Variants in ADAMTSL1 observed in about 807,000 individuals in gnomAD.
ADAMTSL1 encodes ADAMTS-like protein 1.
ADAMTSL1 carries 126 observed loss-of-function variants against 201.8 expected under a neutral mutation model. That is an observed-to-expected ratio of 0.62 (90% confidence interval 0.54 to 0.72). ADAMTSL1 has a LOEUF of 0.72. Among genes scored for constraint, ADAMTSL1 ranks in the 30% least tolerant of loss-of-function variants. ADAMTSL1 has a pLI of 0.00. For synonymous variants in ADAMTSL1, 1,121 were observed against 903.4 expected (o/e 1.24, Z -4.32); for missense variants, 2,679 against 2,277.8 (o/e 1.18, Z -3.59).
chr9:18,474,093 G>C (rs1240259567), upstream of ADAMTSL1: 164 of 381,188 alleles, frequency 4.3e-4, no homozygotes, highest in East Asian at 1.4e-3. Context: ...CCCACCCCTC[G>C]GTCAGGAAAT....
chr9:17,939,705 T>C (rs1339889921), intron 1 of ADAMTSL1, among the ~76,000 whole-genome samples: 1 of 152,174 alleles, frequency 6.6e-6, no homozygotes, highest in Non-Finnish European at 1.5e-5. Flanking sequence ...GCCCATTTAT[T>C]GAACACACAT....
chr9:17,923,169 T>C (rs1289224843), intron 1 of ADAMTSL1, among the ~76,000 whole-genome samples: 1 of 151,846 alleles, frequency 6.6e-6, no homozygotes, highest in Non-Finnish European at 1.5e-5. Context: ...TTTTTCCAAT[T>C]CTGTGAAGAA....
chr9:18,725,303 A>G (rs558169484), intron 15 of ADAMTSL1, among the ~76,000 whole-genome samples: 1 of 152,234 alleles, frequency 6.6e-6, no homozygotes, highest in East Asian at 1.9e-4. Flanking sequence ...GGACAGATGG[A>G]GGTTAAGTAA....
rs1825576032 is a variant in ADAMTSL1 at position 18,839,545 on chromosome 9, A to G, written c.4249+9568A>G. Among the ~76,000 whole-genome samples, 5 of 152,300 alleles carry G rather than the reference A, an allele frequency of 3.3e-5. No homozygotes were observed. The South Asian group carries it at 8.3e-4, about 25-fold the overall frequency. On this transcript the variant is annotated intron_variant, in intron 23 of 28. Transcript: ENST00000380548. ...ATGATTTATAGTCCTTTGGGTATAT[A>G]CCCAGTAATGGGATGGCTGGGTCAA...
Position 18,260,407 on chromosome 9 carries a change from G to A in ADAMTSL1, c.207+96426G>A, listed in dbSNP as rs565888307. 8.9e-4 allele frequency among the ~76,000 whole-genome samples: 136 copies of A among 152,284 alleles called. 1 individual carries two copies. The highest frequency in any genetic ancestry group is 1.0e-3 in the South Asian group (5 of 4,828). Reference sequence around the variant, plus strand: ...TCTTTTTAGTACACAGAAATATTCCGCAAACATGACTGTCTCGGCTTTCAG... The same window carrying A: ...TCTTTTTAGTACACAGAAATATTCCACAAACATGACTGTCTCGGCTTTCAG... On this transcript the variant is annotated intron_variant, in intron 2 of 29. Transcript: ENST00000680146.
intron 2 of ADAMTSL1, among the ~76,000 whole-genome samples, chr9:18,447,576 G>T (rs143096084): frequency 9.9e-5 from 15 of 152,240 alleles, no homozygotes; most frequent in African/African-American, 3.6e-4. Flanking sequence ...CCTGGATGGG[G>T]GAATCAGGCT....
At chr9:18,622,164 T>C in intron 4 of ADAMTSL1, 79 bp from the exon 5 acceptor site, 2 of 1,559,166 alleles carry the variant, frequency 1.3e-6, no homozygotes, top group Non-Finnish European at 1.7e-6. Flanking sequence ...GGGAGGGTTA[T>C]TTCATGGTGA....
At chr9:18,059,050 C>G (rs985864543) in intron 1 of ADAMTSL1, among the ~76,000 whole-genome samples, 7 of 152,212 alleles carry the variant, frequency 4.6e-5, no homozygotes, top group African/African-American at 1.2e-4. Context: ...AGATTAACCT[C>G]TGTTACTTTG....
At chr9:18,166,553 T>C (rs1415261313) in intron 2 of ADAMTSL1, among the ~76,000 whole-genome samples, 2 of 151,932 alleles carry the variant, frequency 1.3e-5, no homozygotes, top group South Asian at 4.1e-4. Flanking sequence ...AGGTTTATCA[T>C]AAGTAATGTA....
At chr9:18,162,122 A>T (rs1168158456) in intron 1 of ADAMTSL1, among the ~76,000 whole-genome samples, 1 of 152,034 alleles carries the variant, frequency 6.6e-6, no homozygotes, top group Non-Finnish European at 1.5e-5. Flanking sequence ...TAAAATCAAG[A>T]TATTGGCTGA....
At chr9:18,138,173 T>C (rs373601714) in intron 1 of ADAMTSL1, among the ~76,000 whole-genome samples, 1 of 152,186 alleles carries the variant, frequency 6.6e-6, no homozygotes, top group Non-Finnish European at 1.5e-5. Context: ...CATGGGAGTA[T>C]GGCGAAAAGT....
In ADAMTSL1 at chr9:18,775,849, T is replaced by TG; in HGVS notation, c.2505dup (p.Pro836AlafsTer124). On this transcript the variant is annotated frameshift_variant, in exon 18 of 29. Transcript: ENST00000380548. LOFTEE classifies it high-confidence loss of function. ...GTCAATTCCACCCTGTGCCCGCCCC[T>TG]GCCTTTCTCTTCCTCCATCAGGCCC... 1 of 1,605,026 alleles carries TG rather than the reference T, an allele frequency of 6.2e-7. No homozygotes were observed. The highest frequency in any genetic ancestry group is 8.5e-7 in the Non-Finnish European group (1 of 1,175,482).
At chr9:18,594,544 A>C (rs1206233390) in intron 4 of ADAMTSL1, among the ~76,000 whole-genome samples, 1 of 152,150 alleles carries the variant, frequency 6.6e-6, no homozygotes, top group Non-Finnish European at 1.5e-5. Flanking sequence ...ATATTTTCAA[A>C]GAGTCTGTCT....
chr9:18,200,123 A>G (rs1829375855), intron 2 of ADAMTSL1, among the ~76,000 whole-genome samples: 1 of 152,086 alleles, frequency 6.6e-6, no homozygotes, highest in Non-Finnish European at 1.5e-5. Context: ...TATGTAATAT[A>G]CCAAGTGAAT....
intron 1 of ADAMTSL1, among the ~76,000 whole-genome samples, chr9:18,499,687 A>C (rs2131898883): frequency 6.6e-6 from 1 of 152,352 alleles, no homozygotes; most frequent in East Asian, 1.9e-4. Context: ...TCTGTCTGGA[A>C]GTGGAAAACC....
intron 19 of ADAMTSL1, among the ~76,000 whole-genome samples, chr9:18,788,507 A>G (rs1042337412): frequency 4.0e-5 from 6 of 151,784 alleles, no homozygotes; most frequent in Admixed American, 3.3e-4. Context: ...TGATGCCACC[A>G]TGTACTAGCT....
intron 2 of ADAMTSL1, among the ~76,000 whole-genome samples, chr9:18,447,231 A>G (rs1820225985): frequency 1.3e-5 from 2 of 152,232 alleles, no homozygotes; most frequent in Non-Finnish European, 2.9e-5. Context: ...AAGGTTGCTC[A>G]AGGGCTCCGT....
chr9:18,006,894 T>C lies in ADAMTSL1; in HGVS notation c.87+99972T>C, dbSNP rs929702336. On this transcript the variant is annotated intron_variant, in intron 1 of 29. Coordinates refer to the ADAMTSL1 transcript ENST00000680146. ...CAAAAATGAAGACTACCTAATTTGC[T>C]TTGTTTCACTGTTGATCATTAGATC... Among the ~76,000 whole-genome samples the C allele has an allele frequency of 9.9e-5, 15 of 152,038 alleles. 1 individual carries two copies. The highest frequency in any genetic ancestry group is 2.2e-4 in the Non-Finnish European group (15 of 67,950).
intron 2 of ADAMTSL1, among the ~76,000 whole-genome samples, chr9:18,374,232 C>G (rs1040989215): frequency 6.6e-6 from 1 of 152,054 alleles, no homozygotes; most frequent in Non-Finnish European, 1.5e-5. Context: ...TCCTTGGAGC[C>G]GTAAAGAAAG....
Sources: allele counts gnomAD v4.1 joint callset (sites outside exome capture counted in the v4.1 genomes callset), GRCh38; gene constraint gnomAD v4.1.1; transcripts MANE v1.5; gene names NCBI Gene and HGNC (gene_info 2026-07-23, HGNC 2026-07-21).